The following SV2C variants were observed in gnomAD, a reference collection of about 807,000 sequenced individuals.
The protein encoded by SV2C is solute carrier family 22 member B3.
In SV2C, 49 loss-of-function variants were observed where a neutral mutation model predicts 79.7. That is an observed-to-expected ratio of 0.61 (90% confidence interval 0.49 to 0.78). The LOEUF is 0.78. Ranked by LOEUF, SV2C falls within the 30% of genes least tolerant of loss-of-function variation. The pLI is 0.00. For missense variants in SV2C, 833 were observed against 912.9 expected, an observed-to-expected ratio of 0.91 and a Z score of 1.13; for synonymous variants, 334 against 333.2, an observed-to-expected ratio of 1.00 and a Z score of -0.03.
chr5:76,003,390 T>C, the SV2C span, among the ~76,000 whole-genome samples: 1 of 152,184 alleles, frequency 6.6e-6, no homozygotes, highest in South Asian at 2.1e-4. Context: ...TGAGATGATA[T>C]GGGCTGGGTG....
chr5:76,271,612 T>A (rs765893186), intron 4 of SV2C, among the ~76,000 whole-genome samples: 100 of 138,098 alleles, frequency 7.2e-4, no homozygotes, highest in Middle Eastern at 3.8e-3. Flanking sequence ...ACTAAGCATG[T>A]GTTCTTTTTT....
chr5:76,334,908 G>A (rs926610709), downstream of SV2C, among the ~76,000 whole-genome samples: 2 of 152,196 alleles, frequency 1.3e-5, no homozygotes, highest in Admixed American at 6.5e-5. Flanking sequence ...AAAATGGGGG[G>A]TTTGTAAGCA....
At chr5:76,117,792 G>A (rs1455869139) in intron 1 of SV2C, among the ~76,000 whole-genome samples, 5 of 152,000 alleles carry the variant, frequency 3.3e-5, no homozygotes, top group South Asian at 2.1e-4. Flanking sequence ...TAATTAGAAC[G>A]AATATAGATG....
At chr5:76,145,716 G>T (rs1323440779) in intron 2 of SV2C, among the ~76,000 whole-genome samples, 1 of 152,156 alleles carries the variant, frequency 6.6e-6, no homozygotes, top group Non-Finnish European at 1.5e-5. Flanking sequence ...GATGGGAGGG[G>T]TCCTTTTACC....
Position 76,130,307 on chromosome 5 carries a change from G to T in SV2C, c.-101-1343G>T, listed in dbSNP as rs184359758. 5.9e-5 allele frequency among the ~76,000 whole-genome samples: 9 copies of T among 152,102 alleles called. 1 individual carries two copies. In the South Asian group the frequency reaches 1.9e-3, roughly 32 times the overall value. ...CGCAGCCTGTGAGAACCATACTCCT[G>T]TTTTGCCTACTGGGCATTTGTAGGT... On this transcript the variant is annotated intron_variant, in intron 1 of 12. Transcript: ENST00000502798.
rs571681079 is a variant in SV2C at position 76,166,817 on chromosome 5, A to G, written c.581-28102A>G. ...TTCAATGTCACAGACCAAGCTTTCAACAGCAGAGATGTTTTTCCATTTGAT... is the reference window on the plus strand; with the variant it reads ...TTCAATGTCACAGACCAAGCTTTCAGCAGCAGAGATGTTTTTCCATTTGAT... On this transcript the variant is annotated intron_variant, in intron 2 of 12. Transcript: ENST00000502798. Among the ~76,000 whole-genome samples, 8 of 152,356 alleles carry G rather than the reference A, an allele frequency of 5.3e-5. No homozygotes were observed. The South Asian group carries it at 1.7e-3, about 32-fold the overall frequency.
chr5:76,336,467 C>A (rs1004798272), downstream of SV2C, among the ~76,000 whole-genome samples: 6 of 152,048 alleles, frequency 3.9e-5, no homozygotes, highest in African/African-American at 9.7e-5. Flanking sequence ...CAGGCAGAGA[C>A]GCTCCCCACT....
the SV2C span, among the ~76,000 whole-genome samples, chr5:75,991,192 A>G: frequency 6.6e-6 from 1 of 151,952 alleles, no homozygotes; most frequent in East Asian, 1.9e-4. Flanking sequence ...TTCAAATTCT[A>G]TTGGTTACCA....
chr5:76,297,876 T>G (rs2112517669), intron 9 of SV2C, among the ~76,000 whole-genome samples: 1 of 152,290 alleles, frequency 6.6e-6, no homozygotes, highest in African/African-American at 2.4e-5. Context: ...TAACAACTCC[T>G]TCCCGAGGAG....
At chr5:76,231,394 T>G (rs945421266) in intron 4 of SV2C, among the ~76,000 whole-genome samples, 1 of 152,176 alleles carries the variant, frequency 6.6e-6, no homozygotes, top group Non-Finnish European at 1.5e-5. Context: ...ATCCAGGAGT[T>G]AATGTACTGA....
upstream of SV2C, among the ~76,000 whole-genome samples, chr5:76,080,410 A>G (rs1746967405): frequency 6.6e-6 from 1 of 152,088 alleles, no homozygotes; most frequent in Admixed American, 6.5e-5. Flanking sequence ...CTGCTGTGGA[A>G]GCCAGGTGTA....
intron 2 of SV2C, among the ~76,000 whole-genome samples, chr5:76,171,943 T>G: frequency 9.9e-6 from 1 of 101,500 alleles, no homozygotes; most frequent in African/African-American, 3.7e-5. Flanking sequence ...GGTAGGGGGG[T>G]CAGCCCCCCG....
the SV2C span, among the ~76,000 whole-genome samples, chr5:76,005,058 C>G: frequency 6.6e-6 from 1 of 152,136 alleles, no homozygotes; most frequent in Non-Finnish European, 1.5e-5. Flanking sequence ...CCAGTGTTTT[C>G]TAAACCTTTC....
intron 4 of SV2C, among the ~76,000 whole-genome samples, chr5:76,231,207 A>G (rs1478835973): frequency 6.6e-6 from 1 of 152,232 alleles, no homozygotes; most frequent in African/African-American, 2.4e-5. Flanking sequence ...ATAGATCACT[A>G]AAGTTTATTC....
At chr5:75,916,455 CCTTCT>C in the SV2C span, among the ~76,000 whole-genome samples, 1 of 149,374 alleles carries the variant, frequency 6.7e-6, no homozygotes, top group Non-Finnish European at 1.5e-5. Flanking sequence ...TCCTCCTCCT[CCTTCT>C]CTTCTTCCTC....
chr5:76,054,215 C>T, the SV2C span, among the ~76,000 whole-genome samples: 1 of 152,170 alleles, frequency 6.6e-6, no homozygotes, highest in African/African-American at 2.4e-5. Context: ...CATTGTTCCA[C>T]ACCCACTTAT....
the SV2C span, chr5:75,921,415 A>G: frequency 3.7e-6 from 3 of 808,246 alleles, no homozygotes; most frequent in Non-Finnish European, 6.7e-6. Context: ...GGGGAAGCTC[A>G]TATTGCGTCT....
At chr5:76,013,203 G>A in the SV2C span, among the ~76,000 whole-genome samples, 1 of 152,130 alleles carries the variant, frequency 6.6e-6, no homozygotes, top group Non-Finnish European at 1.5e-5. Flanking sequence ...AGGCAGTATG[G>A]CCATTTTCAT....
the SV2C span, among the ~76,000 whole-genome samples, chr5:75,942,895 T>C: frequency 6.6e-6 from 1 of 152,166 alleles, no homozygotes; most frequent in Non-Finnish European, 1.5e-5. Flanking sequence ...CCACATGCGA[T>C]AGTGCATGTC....
Sources: gnomAD v4.1 joint callset for allele counts (sites outside exome capture counted in the v4.1 genomes callset) on GRCh38, gnomAD v4.1.1 for gene constraint, MANE v1.5 for transcripts, NCBI Gene and HGNC (gene_info 2026-07-23, HGNC 2026-07-21) for gene names.